The following P2RX5 variants were observed in gnomAD, a reference collection of about 807,000 sequenced individuals.
The protein encoded by P2RX5 is P2X purinoceptor 5.
P2RX5 carries 46 observed loss-of-function variants against 54.1 expected under a neutral mutation model. That is an observed-to-expected ratio of 0.85 (90% CI 0.67 to 1.09). P2RX5 has a LOEUF of 1.09. P2RX5 is among the 50% of genes least tolerant of loss of function. P2RX5 has a pLI of 0.00. For synonymous variants in P2RX5, 226 were observed against 226.4 expected, an observed-to-expected ratio of 1.00 and a Z score of 0.02; for missense variants, 566 against 549.8, an observed-to-expected ratio of 1.03 and a Z score of -0.29.
At chr17:3,679,930 A>C in intron 10 of P2RX5, 146 bp from the exon 11 acceptor site, 1 of 725,504 alleles carries the variant, frequency 1.4e-6, no homozygotes, top group Non-Finnish European at 2.4e-6. Context: ...TGCTTCCTCC[A>C]TGCGGCTCCC....
the P2RX5 span, chr17:3,723,561 T>C: frequency 2.7e-6 from 3 of 1,109,794 alleles, no homozygotes; most frequent in Non-Finnish European, 2.6e-6. Context: ...GGGACGAAGC[T>C]AGGGAGGGCC....
chr17:3,689,121 G>T (rs545587726), intron 7 of P2RX5, among the ~76,000 whole-genome samples: 5 of 152,260 alleles, frequency 3.3e-5, no homozygotes, highest in African/African-American at 1.2e-4. Flanking sequence ...GGCTCTCACT[G>T]ACTGCCCGTG....
At chr17:3,679,971 C>T (rs1430685856) in intron 10 of P2RX5, among the ~76,000 whole-genome samples, 187 bp from the exon 11 acceptor site, 1 of 150,698 alleles carries the variant, frequency 6.6e-6, no homozygotes, top group African/African-American at 2.5e-5. Context: ...CTGCTCTCTC[C>T]ACCCTGAGTC....
intron 11 of P2RX5, chr17:3,676,790 G>T (rs531093468): frequency 6.0e-5 from 13 of 215,004 alleles, no homozygotes; most frequent in Non-Finnish European, 1.0e-4. Context: ...GGCCGGGTTT[G>T]GTGGCTCACG....
the P2RX5 span, chr17:3,720,585 T>A: frequency 4.3e-5 from 1 of 23,490 alleles, no homozygotes; most frequent in Non-Finnish European, 9.7e-5. Context: ...TTCAACTTCC[T>A]TTTTTTTTTT....
In P2RX5 at chr17:3,673,541, A is replaced by C; in HGVS notation, c.*327T>G. 7.6e-7 allele frequency: 1 copy of C among 1,312,384 alleles called. No individual in the cohort carries two copies. The highest frequency in any genetic ancestry group is 9.8e-7 in the Non-Finnish European group (1 of 1,022,916). The allele number at this position is 1,312,384 out of a possible 1,614,324, so 81.3% of individuals were successfully genotyped here. ...AACTCTACAGGGCACTGCGGTCCTT[A>C]GCTGAGGTGCTCAAGGACTCCGGAA... On this transcript the variant is annotated 3_prime_UTR_variant, in exon 12 of 12. Transcript: ENST00000225328.
the P2RX5 span, among the ~76,000 whole-genome samples, chr17:3,707,924 G>A: frequency 6.6e-6 from 1 of 151,986 alleles, no homozygotes; most frequent in Non-Finnish European, 1.5e-5. Flanking sequence ...CAGGCTTGGT[G>A]GCGGGCGCCT....
the P2RX5 span, among the ~76,000 whole-genome samples, chr17:3,711,455 T>G: frequency 1.5e-5 from 2 of 134,268 alleles, no homozygotes; most frequent in Non-Finnish European, 1.5e-5. Flanking sequence ...CGATCTTGGC[T>G]CACTGCAAGC....
chr17:3,677,896 T>G (rs1473476916), intron 11 of P2RX5: 3 of 985,164 alleles, frequency 3.0e-6, no homozygotes, highest in African/African-American at 1.7e-5. Context: ...CTCTGACCAT[T>G]GGGAGGCTCC....
intron 6 of P2RX5, 138 bp from the exon 7 acceptor site, chr17:3,689,768 G>T (rs2143000506): frequency 8.9e-7 from 1 of 1,119,226 alleles, no homozygotes; most frequent in African/African-American, 1.5e-5. Context: ...GCAGGGGAAG[G>T]GGCGCCCCAG....
chr17:3,703,170 C>T, the P2RX5 span, among the ~76,000 whole-genome samples: 1 of 152,108 alleles, frequency 6.6e-6, no homozygotes, highest in East Asian at 1.9e-4. Context: ...ATGGGCTGAG[C>T]CTTTAGAGAC....
chr17:3,674,028 G>T (rs2050041700), intron 11 of P2RX5, 151 bp from the exon 12 acceptor site: 9 of 825,376 alleles, frequency 1.1e-5, no homozygotes, highest in Non-Finnish European at 1.6e-5. Context: ...CCAGTTTCCG[G>T]CCAGGCGCGG....
At chr17:3,689,943 CGAACACACGCACACACGT>C in intron 6 of P2RX5, 109 bp downstream of exon 6, 1 of 924,372 alleles carries the variant, frequency 1.1e-6, no homozygotes, top group Non-Finnish European at 1.8e-6. Context: ...CGCACACACG[CGAACACACGCACACACGT>C]GCACACACGC....
At chr17:3,699,055 A>G (rs1246904002), upstream of P2RX5, among the ~76,000 whole-genome samples, 1 of 63,668 alleles carries the variant, frequency 1.6e-5, no homozygotes, top group African/African-American at 4.0e-5. Flanking sequence ...ATAGACAGAC[A>G]CACACACACA....
intron 11 of P2RX5, chr17:3,677,053 C>G: frequency 2.0e-6 from 2 of 980,184 alleles, no homozygotes; most frequent in South Asian, 4.7e-5. Flanking sequence ...CAGAGCGAGA[C>G]TCTATTTCAA....
intron 9 of P2RX5, among the ~76,000 whole-genome samples, chr17:3,684,499 G>A (rs1382914197): frequency 6.6e-6 from 1 of 152,214 alleles, no homozygotes; most frequent in African/African-American, 2.4e-5. Flanking sequence ...CTAGTGGGGA[G>A]GCTGAGGTGG....
the P2RX5 span, among the ~76,000 whole-genome samples, chr17:3,708,755 C>T: frequency 6.6e-6 from 1 of 151,984 alleles, no homozygotes; most frequent in Non-Finnish European, 1.5e-5. Flanking sequence ...CAAGATGATA[C>T]CCTTCCCTCT....
upstream of P2RX5, among the ~76,000 whole-genome samples, chr17:3,699,873 G>T (rs1159646039): frequency 3.0e-3 from 83 of 27,974 alleles, 3 homozygotes; most frequent in African/African-American, 5.2e-3. Context: ...AAGAAAGAAA[G>T]AAAGGAAGGA....
chr17:3,691,621 G>A (rs201390901), intron 2 of P2RX5, 23 bp downstream of exon 2: 100 of 1,613,942 alleles, frequency 6.2e-5, no homozygotes, highest in Admixed American at 1.5e-4. Context: ...AGCCTTGGCC[G>A]TGTGCTAGGT....
Sources: allele counts gnomAD v4.1 joint callset (sites outside exome capture counted in the v4.1 genomes callset), GRCh38; gene constraint gnomAD v4.1.1; transcripts MANE v1.5; gene names NCBI Gene and HGNC (gene_info 2026-07-23, HGNC 2026-07-21).